The following SREK1 variants were observed in gnomAD, a reference collection of about 807,000 sequenced individuals.
SREK1 encodes the protein splicing regulatory glutamine/lysine-rich protein 1.
In SREK1, 13 loss-of-function variants were observed where a neutral mutation model predicts 66.5. The observed-to-expected ratio is 0.20, with a 90% CI of 0.13 to 0.31. The LOEUF (loss-of-function observed/expected upper bound fraction) is 0.31. Ranked by LOEUF, SREK1 falls within the 10% of genes least tolerant of loss-of-function variation. SREK1 has a pLI of 1.00. For synonymous variants in SREK1, 265 were observed against 263.5 expected, an observed-to-expected ratio of 1.01 and a Z score of -0.05; for missense variants, 607 against 769.6, an observed-to-expected ratio of 0.79 and a Z score of 2.50.
chr5:66,175,343 A>G (rs1490372180), intron 10 of SREK1, among the ~76,000 whole-genome samples: 2 of 152,158 alleles, frequency 1.3e-5, no homozygotes, highest in Admixed American at 1.3e-4. Flanking sequence ...CACAGAATAC[A>G]CACTGTTGTG....
intron 2 of SREK1, chr5:66,158,546 T>A (rs1395582114): frequency 5.4e-6 from 1 of 186,912 alleles, no homozygotes; most frequent in African/African-American, 2.4e-5. Context: ...GGCTTCCTTT[T>A]ACGTTGAAGT....
intron 1 of SREK1, among the ~76,000 whole-genome samples, chr5:66,151,971 G>A (rs1743870384): frequency 6.7e-6 from 1 of 148,742 alleles, no homozygotes; most frequent in Non-Finnish European, 1.5e-5. Flanking sequence ...TCAGCCTCCT[G>A]AGTAGCTGGG....
At chr5:66,176,953 G>T (rs1746103355) in intron 10 of SREK1, among the ~76,000 whole-genome samples, 1 of 151,944 alleles carries the variant, frequency 6.6e-6, no homozygotes, top group Non-Finnish European at 1.5e-5. Context: ...ATAACGGAAG[G>T]CTTAGGATAC....
At chr5:66,151,906 C>T (rs1292521211) in intron 1 of SREK1, among the ~76,000 whole-genome samples, 3 of 126,736 alleles carry the variant, frequency 2.4e-5, no homozygotes, top group Non-Finnish European at 3.1e-5. Flanking sequence ...AGTGCAGTGG[C>T]GCAATCTCGG....
intron 1 of SREK1, among the ~76,000 whole-genome samples, chr5:66,148,242 C>T (rs1743438777): frequency 6.6e-6 from 1 of 152,010 alleles, no homozygotes; most frequent in Non-Finnish European, 1.5e-5. Flanking sequence ...TATTTTTGTA[C>T]ATGATACTGT....
chr5:66,178,367 T>C (rs1192323928), intron 11 of SREK1, among the ~76,000 whole-genome samples: 1 of 152,054 alleles, frequency 6.6e-6, no homozygotes, highest in Non-Finnish European at 1.5e-5. Context: ...ATTTCCTTAT[T>C]TTTGCTGCAT....
intron 9 of SREK1, 38 bp downstream of exon 9, chr5:66,170,985 T>C (rs1263885357): frequency 6.4e-7 from 1 of 1,558,312 alleles, no homozygotes; most frequent in Non-Finnish European, 8.6e-7. Flanking sequence ...AGGGATTTGC[T>C]GATGACAATT....
chr5:66,173,100 T>C (rs1416910999), intron 9 of SREK1, among the ~76,000 whole-genome samples: 3 of 152,232 alleles, frequency 2.0e-5, no homozygotes, highest in African/African-American at 7.2e-5. Flanking sequence ...CCCAAAGTGC[T>C]GGAATTACAG....
intron 1 of SREK1, among the ~76,000 whole-genome samples, chr5:66,150,234 C>T (rs1743668367): frequency 6.6e-6 from 1 of 152,192 alleles, no homozygotes; most frequent in African/African-American, 2.4e-5. Context: ...GGAAACCGTG[C>T]TAAGGCCTGT....
intron 9 of SREK1, among the ~76,000 whole-genome samples, chr5:66,173,854 A>C (rs1745847099): frequency 6.6e-6 from 1 of 152,196 alleles, no homozygotes; most frequent in African/African-American, 2.4e-5. Flanking sequence ...TCCACATTAG[A>C]AGTGTAATTG....
intron 2 of SREK1, among the ~76,000 whole-genome samples, chr5:66,155,425 C>T (rs778210951): frequency 1.3e-5 from 2 of 152,068 alleles, no homozygotes; most frequent in Admixed American, 6.5e-5. Flanking sequence ...TATGGAACCT[C>T]GAGAATTTCA....
intron 1 of SREK1, among the ~76,000 whole-genome samples, chr5:66,151,294 T>G (rs924411409): frequency 6.6e-6 from 1 of 152,190 alleles, no homozygotes; most frequent in African/African-American, 2.4e-5. Context: ...TCTCAGAGCT[T>G]CTTCAGAATA....
At chr5:66,163,969 A>G in intron 6 of SREK1, 47 bp downstream of exon 6, 1 of 1,554,874 alleles carries the variant, frequency 6.4e-7, no homozygotes, top group Non-Finnish European at 8.7e-7. Flanking sequence ...AAGATCATAG[A>G]CTCTTAGAAC....
In SREK1 at chr5:66,159,222, A is replaced by G; in HGVS notation, c.299A>G (p.Lys100Arg). 2 of 1,608,588 alleles carry G rather than the reference A, an allele frequency of 1.2e-6. No individual in the cohort carries two copies. The highest frequency in any genetic ancestry group is 1.7e-4 in the Middle Eastern group (1 of 6,030). ...TGTTTGGAACTTGCCTCTGCAGGTA[A>G]AATCCCAGAGGAATCCAAAGCCCTC... ...ALIVVPCAEG[K>R]IPEESKALSL... Residue 100 changes from lysine to arginine, a missense_variant, in exon 3 of 12, where the codon AAA becomes AGA. Coordinates refer to ENST00000334121, the MANE Select transcript of SREK1 (RefSeq NM_001077199.3).
intron 5 of SREK1, 70 bp downstream of exon 5, chr5:66,162,662 CT>C (rs1010648878): frequency 8.2e-5 from 114 of 1,388,142 alleles, no homozygotes; most frequent in South Asian, 1.4e-4. Flanking sequence ...GTAATGAAGG[CT>C]TTTTTTTTCT....
At chr5:66,171,749 AGTTT>A in intron 9 of SREK1, among the ~76,000 whole-genome samples, 1 of 150,674 alleles carries the variant, frequency 6.6e-6, no homozygotes, top group African/African-American at 2.4e-5. Context: ...GTGCTTTAGT[AGTTT>A]ATTTTTAATA....
Position 66,170,759 on chromosome 5 carries a change from CAGAG to C in SREK1, c.1304_1307del (p.Arg435AsnfsTer32). The C allele has an allele frequency of 6.3e-7, 1 of 1,598,504 alleles. No homozygotes were observed. The highest frequency in any genetic ancestry group is 2.3e-5 in the East Asian group (1 of 44,140). ...ACCGGGAAAAAGACAAGGAAAAGGA[CAGAG>C]AGAGAGAACGGGAAAAAGAGCATGA... is the stretch of plus-strand genomic sequence containing the variant. On this transcript the variant is annotated frameshift_variant, in exon 9 of 12. Transcript: ENST00000334121. LOFTEE classifies it high-confidence loss of function.
chr5:66,164,168 C>G (rs944692682), intron 6 of SREK1: 1 of 394,506 alleles, frequency 2.5e-6, no homozygotes. Context: ...ATAGCAAAAT[C>G]AGTGCTCACA....
intron 7 of SREK1, 26 bp downstream of exon 7, chr5:66,164,923 A>T (rs770572879): frequency 1.9e-6 from 3 of 1,573,234 alleles, no homozygotes; most frequent in African/African-American, 1.4e-5. Flanking sequence ...GTCATATTTA[A>T]ATTTTATTTT....
Sources: gnomAD v4.1 joint callset for allele counts (sites outside exome capture counted in the v4.1 genomes callset) on GRCh38, gnomAD v4.1.1 for gene constraint, MANE v1.5 for transcripts, NCBI Gene and HGNC (gene_info 2026-07-23, HGNC 2026-07-21) for gene names.